PPFIA2: variants seen among roughly 807,000 people sequenced by gnomAD.
The protein encoded by PPFIA2 is liprin-alpha-2.
Under a neutral mutation model 175.5 loss-of-function variants are expected in PPFIA2, and 46 were observed. That is an observed-to-expected ratio of 0.26 (90% CI 0.21 to 0.34). PPFIA2 has a LOEUF of 0.34. Among genes scored for constraint, PPFIA2 ranks in the 10% least tolerant of loss-of-function variants. The probability of loss-of-function intolerance (pLI) is 1.00; values close to 1 mark genes in which losing one functional copy is unlikely to be tolerated. For missense variants in PPFIA2, 1,179 were observed against 1,506.1 expected, an observed-to-expected ratio of 0.78 and a Z score of 3.60; for synonymous variants, 568 against 511.4, an observed-to-expected ratio of 1.11 and a Z score of -1.49.
At chr12:81,428,667 A>G (rs769336183) in intron 7 of PPFIA2, among the ~76,000 whole-genome samples, 2 of 152,052 alleles carry the variant, frequency 1.3e-5, no homozygotes, top group Non-Finnish European at 2.9e-5. Flanking sequence ...TGGTTTAACA[A>G]TACTGAAACT....
intron 4 of PPFIA2, among the ~76,000 whole-genome samples, chr12:81,592,655 T>C (rs1377593873): frequency 1.3e-5 from 2 of 152,172 alleles, no homozygotes; most frequent in East Asian, 3.9e-4. Flanking sequence ...GACTTGCTCC[T>C]CTTTGCCTTC....
At chr12:81,497,300 C>T (rs748191093) in intron 4 of PPFIA2, among the ~76,000 whole-genome samples, 10 of 152,154 alleles carry the variant, frequency 6.6e-5, no homozygotes, top group Non-Finnish European at 1.2e-4. Flanking sequence ...TTGTGGCTCA[C>T]GAGATGCTTC....
chr12:81,469,451 C>A (rs970985135), intron 4 of PPFIA2, among the ~76,000 whole-genome samples: 5 of 152,164 alleles, frequency 3.3e-5, no homozygotes, highest in Non-Finnish European at 5.9e-5. Context: ...CCCGCATGCA[C>A]CCCTGTAGGA....
chr12:81,601,387 A>G (rs1485529724), intron 4 of PPFIA2, among the ~76,000 whole-genome samples: 2 of 151,816 alleles, frequency 1.3e-5, no homozygotes, highest in African/African-American at 4.8e-5. Context: ...AAAATTGCCA[A>G]GATTTAGAAT....
At chr12:81,707,014 A>G (rs1208615872) in intron 3 of PPFIA2, among the ~76,000 whole-genome samples, 2 of 152,168 alleles carry the variant, frequency 1.3e-5, no homozygotes, top group East Asian at 1.9e-4. Context: ...TTATACAAAA[A>G]TCAATTCAAG....
At chr12:81,657,785 A>G (rs1280586192) in intron 4 of PPFIA2, among the ~76,000 whole-genome samples, 2 of 152,170 alleles carry the variant, frequency 1.3e-5, no homozygotes, top group African/African-American at 2.4e-5. Flanking sequence ...ATTCCCATAC[A>G]TAATGAAGAT....
chr12:81,350,860 ATAG>A (rs891997275), intron 17 of PPFIA2, among the ~76,000 whole-genome samples: 2 of 152,176 alleles, frequency 1.3e-5, no homozygotes, highest in African/African-American at 4.8e-5. Context: ...AATTTGAATA[ATAG>A]TAGAAGGAAG....
intron 22 of PPFIA2, among the ~76,000 whole-genome samples, chr12:81,306,952 T>C (rs111663073): frequency 1.7e-4 from 26 of 152,326 alleles, no homozygotes; most frequent in African/African-American, 6.3e-4. Context: ...CCTGGTTTAA[T>C]CTTGATTTAA....
At chr12:81,675,899 C>T (rs1332602938) in intron 4 of PPFIA2, among the ~76,000 whole-genome samples, 2 of 151,932 alleles carry the variant, frequency 1.3e-5, no homozygotes, top group Non-Finnish European at 2.9e-5. Context: ...ATTTTTTAGC[C>T]ATACTTTAGG....
intron 4 of PPFIA2, among the ~76,000 whole-genome samples, chr12:81,502,013 C>T (rs1001283183): frequency 1.3e-5 from 2 of 152,054 alleles, no homozygotes; most frequent in Admixed American, 6.6e-5. Flanking sequence ...GTGCAGTTTT[C>T]GGAACACTTC....
At chr12:81,688,296 T>TTTCC (rs1440107394) in intron 3 of PPFIA2, among the ~76,000 whole-genome samples, 1 of 151,952 alleles carries the variant, frequency 6.6e-6, no homozygotes, top group Non-Finnish European at 1.5e-5. Context: ...TGTGGGAAGC[T>TTTCC]TTAAGTAGGT....
At position 81,286,763 on chromosome 12, in the gene PPFIA2, C is replaced by A. The variant is rs941722849; in HGVS notation, c.2926-2460G>T. On this transcript the variant is annotated intron_variant, in intron 24 of 32. Transcript: ENST00000549396. The stretch of plus-strand genomic sequence containing the variant: ...AGCAAATTCGAGGCACATAAAAATT[C>A]CACAGGCTAGACATCAAATATATGT... Among the ~76,000 whole-genome samples, 8 of 152,040 alleles carry A rather than the reference C, an allele frequency of 5.3e-5. No homozygotes were observed. In the East Asian group the frequency reaches 1.4e-3, roughly 26 times the overall value.
intron 7 of PPFIA2, among the ~76,000 whole-genome samples, chr12:81,421,486 A>G (rs1954212414): frequency 6.6e-6 from 1 of 152,030 alleles, no homozygotes; most frequent in Non-Finnish European, 1.5e-5. Context: ...TAACTACAAG[A>G]TATTTTATGA....
At chr12:81,571,241 G>A (rs1360590910) in intron 4 of PPFIA2, among the ~76,000 whole-genome samples, 1 of 151,898 alleles carries the variant, frequency 6.6e-6, no homozygotes, top group Non-Finnish European at 1.5e-5. Flanking sequence ...TAATTGTGGT[G>A]GCCCATTACT....
chr12:81,611,709 C>T (rs1263510888), intron 4 of PPFIA2, among the ~76,000 whole-genome samples: 1 of 152,106 alleles, frequency 6.6e-6, no homozygotes, highest in Non-Finnish European at 1.5e-5. Context: ...GCCAATGCCT[C>T]TGGGGGAGTG....
intron 19 of PPFIA2, among the ~76,000 whole-genome samples, chr12:81,343,499 T>G (rs1483465256): frequency 1.3e-5 from 2 of 152,108 alleles, no homozygotes; most frequent in Non-Finnish European, 2.9e-5. Context: ...TCAAGCCATG[T>G]AAGAATAATA....
chr12:81,745,507 T>C (rs559339565), intron 3 of PPFIA2, among the ~76,000 whole-genome samples: 17 of 152,294 alleles, frequency 1.1e-4, no homozygotes, highest in Admixed American at 2.0e-4. Flanking sequence ...TTTCTTCTTC[T>C]TCTGGAGTGC....
At chr12:81,389,432 T>G (rs1178215410) in intron 8 of PPFIA2, among the ~76,000 whole-genome samples, 1 of 151,990 alleles carries the variant, frequency 6.6e-6, no homozygotes, top group Non-Finnish European at 1.5e-5. Flanking sequence ...CTTTTTAAAT[T>G]CCATTAAGCA....
intron 4 of PPFIA2, among the ~76,000 whole-genome samples, chr12:81,611,591 T>A (rs2060916898): frequency 6.6e-6 from 1 of 152,112 alleles, no homozygotes; most frequent in South Asian, 2.1e-4. Context: ...GCACAGGCCC[T>A]GCGGGGGTCA....
Sources: gnomAD v4.1 joint callset for allele counts (sites outside exome capture counted in the v4.1 genomes callset) on GRCh38, gnomAD v4.1.1 for gene constraint, MANE v1.5 for transcripts, NCBI Gene and HGNC (gene_info 2026-07-23, HGNC 2026-07-21) for gene names.